OGDH: variants seen among roughly 807,000 people sequenced by gnomAD.
The protein encoded by OGDH is oxoglutarate dehydrogenase.
OGDH carries 38 observed loss-of-function variants against 116.6 expected under a neutral mutation model. The ratio of observed to expected loss-of-function variants is 0.33; its 90% CI spans 0.25 to 0.43. The LOEUF is 0.43. OGDH is among the 20% of genes least tolerant of loss of function. OGDH has a pLI of 1.00. For missense variants in OGDH, 825 were observed against 1,357.2 expected (o/e 0.61, Z 6.16); for synonymous variants, 488 against 533.3 (o/e 0.92, Z 1.17).
In OGDH at chr7:44,693,817, C is replaced by G. The variant is rs1788466682; in HGVS notation, c.1336-8C>G. 1 of 1,575,596 alleles carries G rather than the reference C, an allele frequency of 6.3e-7. No individual in the cohort carries two copies. On this transcript the variant is annotated splice_region_variant and splice_polypyrimidine_tract_variant and intron_variant, in intron 10 of 22. Transcript: ENST00000222673. ...GTGCCCTCTTGCTAGGCTACATGTT[C>G]CTTGCAGATCGGCTTCACCACCGAC...
At chr7:44,689,112 T>C (rs1476890324) in intron 10 of OGDH, among the ~76,000 whole-genome samples, 1 of 152,056 alleles carries the variant, frequency 6.6e-6, no homozygotes, top group African/African-American at 2.4e-5. Context: ...TGCTAGATCA[T>C]GTGGTATCTC....
chr7:44,647,637 T>A lies in OGDH; in HGVS notation c.415-20T>A. 6.2e-7 allele frequency: 1 copy of A among 1,602,458 alleles called. No individual in the cohort carries two copies. The highest frequency in any genetic ancestry group is 1.3e-5 in the African/African-American group (1 of 74,776). On this transcript the variant is annotated intron_variant, in intron 3 of 22. Transcript: ENST00000222673. Reference sequence around the variant, plus strand: ...GTCCTTTTGTGTGTGTCCTTCCCTCTCATCGTTGGCCACTCATAGATACGA... The same window carrying A: ...GTCCTTTTGTGTGTGTCCTTCCCTCACATCGTTGGCCACTCATAGATACGA...
At chr7:44,631,024 TC>T (rs2115562749) in intron 2 of OGDH, among the ~76,000 whole-genome samples, 1 of 152,276 alleles carries the variant, frequency 6.6e-6, no homozygotes, top group African/African-American at 2.4e-5. Context: ...GCCGCTCACT[TC>T]CTGCTATGCA....
rs536559871 is a variant in OGDH at position 44,682,515 on chromosome 7, T to C, written c.1335+667T>C. Among the ~76,000 whole-genome samples, 246 of 151,036 alleles carry C rather than the reference T, an allele frequency of 1.6e-3. 3 individuals are homozygous for C. The highest frequency in any genetic ancestry group is 5.6e-3 in the African/African-American group (231 of 41,164). On this transcript the variant is annotated intron_variant, in intron 10 of 22. Coordinates refer to ENST00000222673, the MANE Select transcript of OGDH (RefSeq NM_002541.4). ...GAGTTCGAGACCAGCCTGGCCAACA[T>C]GGAGAAACCTCATCTCTACTAAAAA... is the stretch of plus-strand genomic sequence containing the variant.
At chr7:44,615,669 C>T (rs1440685693) in intron 1 of OGDH, among the ~76,000 whole-genome samples, 2 of 152,158 alleles carry the variant, frequency 1.3e-5, no homozygotes, top group Non-Finnish European at 2.9e-5. Flanking sequence ...TCTTTGTCTA[C>T]ACCTGTTGGC....
chr7:44,640,250 C>T (rs1252919143), intron 2 of OGDH, among the ~76,000 whole-genome samples: 3 of 152,156 alleles, frequency 2.0e-5, no homozygotes, highest in Non-Finnish European at 2.9e-5. Context: ...GTTCTTTAAG[C>T]GTCGCTCTGC....
At chr7:44,706,647 G>T (rs1157140452) in intron 20 of OGDH, among the ~76,000 whole-genome samples, 3 of 108,466 alleles carry the variant, frequency 2.8e-5, no homozygotes, top group Non-Finnish European at 4.9e-5. Flanking sequence ...TTTGTCTGGA[G>T]ATGGAGTCTT....
At chr7:44,641,225 CTTTTTTTTTTTTT>C (rs1175522868) in intron 2 of OGDH, among the ~76,000 whole-genome samples, 1 of 81,644 alleles carries the variant, frequency 1.2e-5, no homozygotes, top group African/African-American at 4.7e-5. Context: ...TTTTTTTTTT[CTTTTTTTTTTTTT>C]TTTTGGAAAC....
intron 2 of OGDH, among the ~76,000 whole-genome samples, chr7:44,638,465 C>T (rs915579220): frequency 2.6e-5 from 4 of 152,218 alleles, no homozygotes; most frequent in Non-Finnish European, 5.9e-5. Flanking sequence ...ATTGTGTATT[C>T]TCAAGTCTGA....
chr7:44,652,696 C>T (rs986305406), intron 4 of OGDH, among the ~76,000 whole-genome samples: 2 of 152,072 alleles, frequency 1.3e-5, no homozygotes, highest in African/African-American at 4.8e-5. Context: ...CCACCGCGCC[C>T]AGCTGACATG....
intron 20 of OGDH, among the ~76,000 whole-genome samples, chr7:44,705,046 A>ATTTTTTTTTTTT (rs1585406047): frequency 5.7e-5 from 5 of 87,678 alleles, no homozygotes; most frequent in African/African-American, 1.8e-4. Context: ...AAAGTTTTTA[A>ATTTTTTTTTTTT]TTTTCTTTTT....
rs200113572 is a variant in OGDH, at chr7:44,624,291, G to GTT, written c.-27-8_-27-7dup. The stretch of plus-strand genomic sequence containing the variant: ...CTCATTTTTAAAACCTTTCTTTCTT[G>GTT]TTTTTTTTTTTTTTTTTTTGTACAG... On this transcript the variant is annotated intron_variant, in intron 1 of 22. Transcript: ENST00000222673. 4,487 of 758,962 alleles carry GTT rather than the reference G, an allele frequency of 5.9e-3. 402 individuals carry two copies. Among genetic ancestry groups the GTT allele is most frequent in the Admixed American group, 6.4e-3 (224 of 35,248 alleles). 47.0% of individuals were successfully genotyped at this position (758,962 alleles called of 1,614,324 possible). A position where few individuals can be genotyped will look rare whatever the true frequency, so the allele number is the denominator to read the frequency against.
At chr7:44,666,097 G>T (rs558507734) in intron 4 of OGDH, among the ~76,000 whole-genome samples, 15 of 152,276 alleles carry the variant, frequency 9.9e-5, no homozygotes, top group African/African-American at 2.9e-4. Flanking sequence ...AGAACGCATA[G>T]TTCAGGAATT....
chr7:44,683,420 G>A (rs1452147412), intron 10 of OGDH, among the ~76,000 whole-genome samples: 3 of 151,722 alleles, frequency 2.0e-5, no homozygotes, highest in Non-Finnish European at 4.4e-5. Flanking sequence ...GTGTAGAGGC[G>A]GGATGTCACT....
chr7:44,675,918 G>A lies in OGDH; in HGVS notation c.1027-52G>A, dbSNP rs906816104. On this transcript the variant is annotated intron_variant, in intron 8 of 22. Coordinates refer to ENST00000222673, the MANE Select transcript of OGDH (RefSeq NM_002541.4). ...ATTCCCGTATAAAAGGGCTCTTTTGGAGACTGAGCATCTCCTTGGCCAGGG... is the reference window on the plus strand; with the variant it reads ...ATTCCCGTATAAAAGGGCTCTTTTGAAGACTGAGCATCTCCTTGGCCAGGG... 4 of 1,586,246 alleles carry A rather than the reference G, an allele frequency of 2.5e-6. No homozygotes were observed. In the African/African-American group the frequency reaches 5.4e-5, roughly 21 times the overall value.
chr7:44,623,166 C>T (rs898337671), intron 1 of OGDH, among the ~76,000 whole-genome samples: 10 of 152,168 alleles, frequency 6.6e-5, no homozygotes, highest in African/African-American at 1.9e-4. Flanking sequence ...CCTTACCCTT[C>T]GTAGTACCAT....
chr7:44,675,160 C>G lies in OGDH; in HGVS notation c.936-18C>G, dbSNP rs1452163747. ...ATGACCTCAGGCTCTGCTCACCCTA[C>G]TCGCCCATACGTTCCAGAGGGCGGC... On this transcript the variant is annotated intron_variant, in intron 7 of 22. Coordinates refer to ENST00000222673, the MANE Select transcript of OGDH (RefSeq NM_002541.4). The G allele has an allele frequency of 6.2e-7, 1 of 1,607,056 alleles. No individual in the cohort carries two copies. Among genetic ancestry groups the G allele is most frequent in the Non-Finnish European group, 8.5e-7 (1 of 1,173,718 alleles).
intron 12 of OGDH, among the ~76,000 whole-genome samples, chr7:44,695,092 T>TTTTTG (rs966681527): frequency 6.6e-5 from 10 of 152,096 alleles, no homozygotes; most frequent in East Asian, 3.9e-4. Flanking sequence ...ACCAGTTTTT[T>TTTTTG]TTTTGTTTTG....
At chr7:44,658,110 T>C (rs962292690) in intron 4 of OGDH, among the ~76,000 whole-genome samples, 6 of 152,216 alleles carry the variant, frequency 3.9e-5, no homozygotes, top group African/African-American at 1.4e-4. Context: ...TCCATATAAA[T>C]TTGAGGATAA....
Sources: gnomAD v4.1 joint callset for allele counts (sites outside exome capture counted in the v4.1 genomes callset) on GRCh38, gnomAD v4.1.1 for gene constraint, MANE v1.5 for transcripts, NCBI Gene and HGNC (gene_info 2026-07-23, HGNC 2026-07-21) for gene names.